Variants in UGT1A6 observed in about 807,000 individuals in gnomAD.
UGT1A6 encodes UDP glucuronosyltransferase family 1 member A6.
Under a neutral mutation model 44.4 loss-of-function variants are expected in UGT1A6, and 32 were observed. The ratio of observed to expected loss-of-function variants is 0.72; its 90% CI spans 0.54 to 0.97. UGT1A6 has a LOEUF of 0.97. Ranked by LOEUF, UGT1A6 falls within the 50% of genes least tolerant of loss-of-function variation. The probability of loss-of-function intolerance (pLI) is 0.00; values close to 1 mark genes in which losing one functional copy is unlikely to be tolerated. For synonymous variants in UGT1A6, 238 were observed against 248.5 expected (o/e 0.96, Z 0.40); for missense variants, 685 against 661.9 (o/e 1.03, Z -0.38).
In UGT1A6 at chr2:233,743,578, G is replaced by T. The variant is rs1397276736; in HGVS notation, c.862-23456G>T. The T allele has an allele frequency of 3.7e-6, 5 of 1,367,200 alleles. No homozygotes were observed. The Admixed American group carries it at 9.5e-5, about 26-fold the overall frequency. The allele number at this position is 1,367,200 out of a possible 1,614,324, so 84.7% of individuals were successfully genotyped here. On this transcript the variant is annotated intron_variant, in intron 1 of 4. Transcript: ENST00000305139. ...TATTCTCCAGCGGGTTTCCCAAGAGGTCAAAGGAGAATGGGTCCTGGCCGC... is the reference window on the plus strand; with the variant it reads ...TATTCTCCAGCGGGTTTCCCAAGAGTTCAAAGGAGAATGGGTCCTGGCCGC...
intron 1 of UGT1A6, among the ~76,000 whole-genome samples, chr2:233,751,420 G>C (rs1694723370): frequency 6.6e-6 from 1 of 152,164 alleles, no homozygotes; most frequent in Non-Finnish European, 1.5e-5. Context: ...TTTTGAGCTA[G>C]TGCTGAAATG....
chr2:233,760,558 T>G, intron 1 of UGT1A6: 1 of 1,614,006 alleles, frequency 6.2e-7, no homozygotes, highest in Non-Finnish European at 8.5e-7. Context: ...TGTGAAAGAG[T>G]CTTTTGTTAG....
intron 1 of UGT1A6, chr2:233,721,872 T>C: frequency 2.0e-6 from 1 of 500,280 alleles, no homozygotes. Context: ...TGGGCACACT[T>C]GCCAGCCCCT....
intron 1 of UGT1A6, among the ~76,000 whole-genome samples, chr2:233,704,514 T>C (rs977723467): frequency 2.6e-5 from 4 of 152,204 alleles, no homozygotes; most frequent in African/African-American, 9.7e-5. Context: ...TACATCTATA[T>C]ATGTTACAAA....
intron 1 of UGT1A6, among the ~76,000 whole-genome samples, chr2:233,751,862 A>G (rs1489873330): frequency 6.6e-6 from 1 of 152,176 alleles, no homozygotes; most frequent in Admixed American, 6.5e-5. Flanking sequence ...TGTCTTTTAT[A>G]AATTACCCCG....
At chr2:233,736,528 A>T (rs895463431) in intron 1 of UGT1A6, among the ~76,000 whole-genome samples, 1 of 152,204 alleles carries the variant, frequency 6.6e-6, no homozygotes, top group African/African-American at 2.4e-5. Context: ...CGTCAAAGTC[A>T]TTCTCTTTCC....
intron 1 of UGT1A6, among the ~76,000 whole-genome samples, chr2:233,695,779 T>G (rs1173631160): frequency 6.6e-6 from 1 of 152,234 alleles, no homozygotes; most frequent in Admixed American, 6.5e-5. Context: ...TGAATAATTT[T>G]CCATTCTGTA....
At chr2:233,760,492 A>G in intron 1 of UGT1A6, 1 of 1,614,288 alleles carries the variant, frequency 6.2e-7, no homozygotes. Context: ...GTTGTACATC[A>G]GAGACGGAGC....
At chr2:233,747,346 G>T in intron 1 of UGT1A6, 1 of 1,603,164 alleles carries the variant, frequency 6.2e-7, no homozygotes, top group African/African-American at 1.3e-5. Flanking sequence ...GCTCGCATGC[G>T]GGAGGCCGTG....
intron 1 of UGT1A6, among the ~76,000 whole-genome samples, chr2:233,701,718 A>T (rs2075648818): frequency 6.6e-6 from 1 of 152,232 alleles, no homozygotes; most frequent in South Asian, 2.1e-4. Flanking sequence ...CTACATGGAA[A>T]CTGAACAACC....
intron 1 of UGT1A6, chr2:233,741,903 G>C (rs984668185): frequency 2.0e-5 from 3 of 151,860 alleles, no homozygotes; most frequent in Non-Finnish European, 4.4e-5. Context: ...GACCCTTTGT[G>C]ATGGAAAAGG....
chr2:233,700,505 G>C (rs2075568834), intron 1 of UGT1A6, among the ~76,000 whole-genome samples: 1 of 152,100 alleles, frequency 6.6e-6, no homozygotes, highest in Non-Finnish European at 1.5e-5. Flanking sequence ...CTAGAAACTT[G>C]ACTGTCTAGT....
intron 1 of UGT1A6, among the ~76,000 whole-genome samples, chr2:233,749,817 TTCTC>T (rs1694278787): frequency 1.3e-5 from 2 of 151,900 alleles, no homozygotes; most frequent in Non-Finnish European, 2.9e-5. Flanking sequence ...CTCTTCCTCT[TTCTC>T]TCTTTCATGT....
intron 1 of UGT1A6, among the ~76,000 whole-genome samples, chr2:233,737,428 G>A (rs188444988): frequency 6.6e-6 from 1 of 152,348 alleles, no homozygotes; most frequent in African/African-American, 2.4e-5. Context: ...CAGTATTTGG[G>A]TGGGAGTGTC....
At chr2:233,738,810 A>G (rs1410873326) in intron 1 of UGT1A6, 1 of 152,272 alleles carries the variant, frequency 6.6e-6, no homozygotes. Flanking sequence ...CTAGCTAAAG[A>G]AATTTGAATA....
At chr2:233,754,354 C>G in intron 1 of UGT1A6, 1 of 263,180 alleles carries the variant, frequency 3.8e-6, no homozygotes, top group Admixed American at 5.0e-5. Flanking sequence ...AAATTGCATA[C>G]AGATATTTAC....
At chr2:233,697,073 C>A (rs1315770045) in intron 1 of UGT1A6, among the ~76,000 whole-genome samples, 1 of 151,822 alleles carries the variant, frequency 6.6e-6, no homozygotes, top group Non-Finnish European at 1.5e-5. Flanking sequence ...GTTTTGGTAT[C>A]AGGGTAACAC....
At chr2:233,730,117 G>A (rs1389135246) in intron 1 of UGT1A6, 17 of 1,556,656 alleles carry the variant, frequency 1.1e-5, no homozygotes, top group Non-Finnish European at 1.5e-5. Context: ...GCTTCTCCTT[G>A]TCATAATAGC....
Position 233,767,883 on chromosome 2 carries a change from A to G in UGT1A6, c.1028A>G (p.Asn343Ser), listed in dbSNP as rs1336725166. 1.2e-6 allele frequency: 2 copies of G among 1,614,150 alleles called. No homozygotes were observed. The highest frequency in any genetic ancestry group is 2.2e-5 in the South Asian group (2 of 91,074). Residue 343 changes from asparagine to serine, a missense_variant, in exon 3 of 5, where the codon AAT (asparagine) becomes AGT (serine). Coordinates refer to ENST00000305139, the MANE Select transcript of UGT1A6 (RefSeq NM_001072.4). ...LWRYTGTRPSNLANNTILVKW... is the reference protein window; with the variant it reads ...LWRYTGTRPSSLANNTILVKW... The stretch of plus-strand genomic sequence containing the variant: ...CGGTACACTGGAACCCGACCATCGA[A>G]TCTTGCGAACAACACGATACTTGTT...
Sources: allele counts gnomAD v4.1 joint callset (sites outside exome capture counted in the v4.1 genomes callset), GRCh38; gene constraint gnomAD v4.1.1; transcripts MANE v1.5; gene names NCBI Gene and HGNC (gene_info 2026-07-23, HGNC 2026-07-21).